The following SLC4A4 variants were observed in gnomAD, a reference collection of about 807,000 sequenced individuals.
SLC4A4 encodes electrogenic sodium bicarbonate cotransporter 1.
Under a neutral mutation model 111.5 loss-of-function variants are expected in SLC4A4, and 27 were observed. The ratio of observed to expected loss-of-function variants is 0.24; its 90% CI spans 0.18 to 0.33. SLC4A4 has a LOEUF of 0.33. SLC4A4 is among the 10% of genes least tolerant of loss of function. The pLI, the probability that SLC4A4 is intolerant of heterozygous loss-of-function variation, is 1.00. For missense variants in SLC4A4, 909 were observed against 1,315.5 expected, an observed-to-expected ratio of 0.69 and a Z score of 4.78; for synonymous variants, 443 against 463.4, an observed-to-expected ratio of 0.96 and a Z score of 0.57.
chr4:71,529,292 A>G (rs1330339238), intron 16 of SLC4A4, among the ~76,000 whole-genome samples: 1 of 152,140 alleles, frequency 6.6e-6, no homozygotes, highest in Admixed American at 6.6e-5. Context: ...TGTAACCAAC[A>G]TCCAAATTAA....
At chr4:71,565,575 T>TA (rs398107482) in intron 24 of SLC4A4, among the ~76,000 whole-genome samples, 18 of 151,434 alleles carry the variant, frequency 1.2e-4, no homozygotes, top group African/African-American at 3.4e-4. Context: ...GAAATTTTTT[T>TA]AAACAAAAGT....
At chr4:71,280,009 G>C (rs75886338) in intron 3 of SLC4A4, among the ~76,000 whole-genome samples, 4,459 of 152,236 alleles carry the variant, frequency 0.029, 324 homozygotes, top group Admixed American at 0.16. Context: ...TGGGCAGGCT[G>C]TCTTGAACCC....
At chr4:71,437,463 G>T (rs1222410315) in intron 7 of SLC4A4, 1 of 346,948 alleles carries the variant, frequency 2.9e-6, no homozygotes, top group Non-Finnish European at 5.7e-6. Context: ...CTATATCAAG[G>T]TGTGTTTCTC....
chr4:71,492,961 C>T (rs1002748186), intron 15 of SLC4A4, among the ~76,000 whole-genome samples: 1 of 151,918 alleles, frequency 6.6e-6, no homozygotes, highest in African/African-American at 2.4e-5. Context: ...AGTTAACATA[C>T]TTTATTTCTC....
chr4:71,262,268 A>G (rs2149069406), intron 3 of SLC4A4, among the ~76,000 whole-genome samples: 1 of 152,338 alleles, frequency 6.6e-6, no homozygotes, highest in East Asian at 1.9e-4. Context: ...AGGGATTTAA[A>G]TTCAGGGCTT....
chr4:71,209,369 A>G (rs1717991094), intron 1 of SLC4A4, among the ~76,000 whole-genome samples: 1 of 152,218 alleles, frequency 6.6e-6, no homozygotes, highest in African/African-American at 2.4e-5. Flanking sequence ...GGGCAGACAC[A>G]TTTAGAAACA....
chr4:71,235,593 A>G (rs1297740499), intron 1 of SLC4A4, among the ~76,000 whole-genome samples: 1 of 152,254 alleles, frequency 6.6e-6, no homozygotes, highest in Non-Finnish European at 1.5e-5. Flanking sequence ...AATAGACCTC[A>G]TGGAATTCTG....
chr4:71,228,314 A>T (rs1017670741), intron 1 of SLC4A4, among the ~76,000 whole-genome samples: 2 of 152,134 alleles, frequency 1.3e-5, no homozygotes, highest in African/African-American at 4.8e-5. Context: ...GTTTGATCCT[A>T]ATAGTTTGAG....
chr4:71,383,329 T>C (rs1164797250), intron 6 of SLC4A4, among the ~76,000 whole-genome samples: 1 of 152,214 alleles, frequency 6.6e-6, no homozygotes, highest in Non-Finnish European at 1.5e-5. Flanking sequence ...ACTAATGACC[T>C]ATGCAGTAAG....
In SLC4A4 at chr4:71,350,027, T is replaced by A; in HGVS notation, c.505T>A (p.Ser169Thr). 1 of 1,614,144 alleles carries A rather than the reference T, an allele frequency of 6.2e-7. No homozygotes were observed. The highest frequency in any genetic ancestry group is 8.5e-7 in the Non-Finnish European group (1 of 1,180,010). The change falls in exon 5 of 26, where the codon TCC becomes ACC. Residue 169 changes from serine (S) to threonine (T), a missense_variant. Transcript: ENST00000264485. The stretch of plus-strand genomic sequence containing the variant: ...GCTGAGGACATGTATGGAGAAAGGA[T>A]CCATCATGCTTGATCGGGAGGCTTC... ...FELRTCMEKG[S>T]IMLDREASSL... is the part of the protein sequence containing the mutation.
chr4:71,490,249 A>G (rs780142928), intron 15 of SLC4A4, among the ~76,000 whole-genome samples: 3 of 151,878 alleles, frequency 2.0e-5, no homozygotes, highest in Non-Finnish European at 2.9e-5. Context: ...AGTGTGAGAC[A>G]CCAGATTTCA....
chr4:71,121,667 C>A (rs547220578), intron 2 of SLC4A4, among the ~76,000 whole-genome samples: 172 of 152,252 alleles, frequency 1.1e-3, no homozygotes, highest in African/African-American at 4.0e-3. Context: ...AGCACCCTGT[C>A]AAAACGGACC....
rs1302804336 is a variant in SLC4A4, at chr4:71,374,951, G to A, written c.730+17764G>A. ...CCTTACCATCTTTCTCCCTTCTTTC[G>A]GACTTGGAACCTTAGCGTCAACTTT... On this transcript the variant is annotated intron_variant, in intron 6 of 25. Transcript: ENST00000264485. Among the ~76,000 whole-genome samples, 6 of 151,974 alleles carry A rather than the reference G, an allele frequency of 3.9e-5. No individual in the cohort carries two copies. In the South Asian group the frequency reaches 8.3e-4, roughly 21 times the overall value.
At chr4:71,138,968 G>A (rs915158707) in intron 2 of SLC4A4, among the ~76,000 whole-genome samples, 2 of 149,490 alleles carry the variant, frequency 1.3e-5, no homozygotes, top group African/African-American at 5.0e-5. Context: ...CCCGGGAGGC[G>A]GAGCTTGCAG....
At chr4:71,239,929 G>A (rs1720077006) in intron 2 of SLC4A4, among the ~76,000 whole-genome samples, 1 of 152,038 alleles carries the variant, frequency 6.6e-6, no homozygotes, top group Admixed American at 6.6e-5. Context: ...TTATCAAAAT[G>A]CCCCAGCTCC....
intron 2 of SLC4A4, among the ~76,000 whole-genome samples, chr4:71,154,725 C>T (rs1421556586): frequency 2.0e-5 from 3 of 152,056 alleles, no homozygotes; most frequent in East Asian, 1.9e-4. Flanking sequence ...GGAGAATAAA[C>T]GTCATAATTC....
At chr4:71,389,012 C>T (rs1246522994) in intron 6 of SLC4A4, among the ~76,000 whole-genome samples, 1 of 152,130 alleles carries the variant, frequency 6.6e-6, no homozygotes, top group Non-Finnish European at 1.5e-5. Context: ...TTAGACCTAA[C>T]ACTGAATCTT....
intron 14 of SLC4A4, among the ~76,000 whole-genome samples, chr4:71,475,781 A>G (rs1728312222): frequency 6.6e-6 from 1 of 151,938 alleles, no homozygotes; most frequent in African/African-American, 2.4e-5. Context: ...GAAGGAAAAG[A>G]AAGAGCTATT....
intron 2 of SLC4A4, among the ~76,000 whole-genome samples, chr4:71,143,424 T>C (rs1744067544): frequency 6.6e-6 from 1 of 152,168 alleles, no homozygotes; most frequent in Admixed American, 6.5e-5. Flanking sequence ...TGCATGTGTC[T>C]TTATAGCAGC....
Sources: gnomAD v4.1 joint callset for allele counts (sites outside exome capture counted in the v4.1 genomes callset) on GRCh38, gnomAD v4.1.1 for gene constraint, MANE v1.5 for transcripts, NCBI Gene and HGNC (gene_info 2026-07-23, HGNC 2026-07-21) for gene names.